The following COL4A5 variants were observed in gnomAD, a reference collection of about 807,000 sequenced individuals.
The protein encoded by COL4A5 is collagen alpha-5(IV) chain.
A neutral mutation model predicts 130.2 loss-of-function variants in COL4A5; 26 were observed. That is an observed-to-expected ratio of 0.20 (90% confidence interval 0.15 to 0.28). The LOEUF is 0.28. COL4A5 is among the 10% of genes least tolerant of loss of function. COL4A5 has a pLI of 1.00. For synonymous variants in COL4A5, 496 were observed against 439.6 expected, an observed-to-expected ratio of 1.13 and a Z score of -1.60; for missense variants, 1,131 against 1,344.3, an observed-to-expected ratio of 0.84 and a Z score of 2.48.
chrX:108,508,064 AG>A (rs1361567011), intron 1 of COL4A5, among the ~76,000 whole-genome samples: 2 of 111,376 alleles, frequency 1.8e-5, no homozygotes, highest in African/African-American at 3.3e-5. Context: ...AAAGAAATAA[AG>A]GGCATCCAAA....
intron 37 of COL4A5, among the ~76,000 whole-genome samples, chrX:108,664,547 A>G (rs2068036151): frequency 8.9e-6 from 1 of 112,321 alleles, no homozygotes; most frequent in Non-Finnish European, 1.9e-5. Context: ...TAACTGTAAA[A>G]GAAAAAAATT....
intron 2 of COL4A5, among the ~76,000 whole-genome samples, chrX:108,551,665 A>G (rs947952751): frequency 8.9e-6 from 1 of 111,913 alleles, no homozygotes; most frequent in Admixed American, 9.5e-5. Flanking sequence ...GATTTTTTAA[A>G]GAACTTAAAA....
At chrX:108,474,954 A>T (rs922701069) in intron 1 of COL4A5, among the ~76,000 whole-genome samples, 6 of 111,259 alleles carry the variant, frequency 5.4e-5, no homozygotes, top group Non-Finnish European at 1.1e-4. Flanking sequence ...CCATTGGTTG[A>T]TATGTCTGTT....
At chrX:108,677,759 G>A in intron 44 of COL4A5, 126 bp downstream of exon 44, 4 of 842,786 alleles carry the variant, frequency 4.7e-6, no homozygotes, top group South Asian at 2.3e-5. Context: ...GCTCACTGGC[G>A]AATTAAAAAG....
intron 2 of COL4A5, among the ~76,000 whole-genome samples, chrX:108,549,932 C>G (rs1220906966): frequency 1.8e-5 from 2 of 111,084 alleles, no homozygotes; most frequent in Admixed American, 1.9e-4. Context: ...GGACAAATTC[C>G]TTAAGAAACA....
chrX:108,539,909 A>G, intron 2 of COL4A5, 104 bp downstream of exon 2: 20 of 625,634 alleles, frequency 3.2e-5, no homozygotes, highest in Non-Finnish European at 5.0e-5. Flanking sequence ...TACTTAAGTA[A>G]GTGAAATGAA....
intron 36 of COL4A5, among the ~76,000 whole-genome samples, chrX:108,649,132 C>T (rs1456025083): frequency 9.0e-6 from 1 of 110,869 alleles, no homozygotes; most frequent in Non-Finnish European, 1.9e-5. Flanking sequence ...GAACTCAACC[C>T]CTTTTACAAT....
intron 1 of COL4A5, among the ~76,000 whole-genome samples, chrX:108,532,985 A>G (rs1345100430): frequency 8.9e-6 from 1 of 111,847 alleles, no homozygotes; most frequent in Non-Finnish European, 1.9e-5. Context: ...TACATTCAAC[A>G]TAATCGCTAT....
At chrX:108,609,735 A>G (rs941134213) in intron 29 of COL4A5, among the ~76,000 whole-genome samples, 1 of 111,548 alleles carries the variant, frequency 9.0e-6, no homozygotes, top group African/African-American at 3.2e-5. Context: ...ACTATTACAC[A>G]TGTCAAATAA....
intron 17 of COL4A5, among the ~76,000 whole-genome samples, chrX:108,584,140 T>C (rs755900363): frequency 9.2e-6 from 1 of 109,074 alleles, no homozygotes; most frequent in South Asian, 4.0e-4. Context: ...TTTTCTATTA[T>C]CTTCTTTATA....
intron 2 of COL4A5, among the ~76,000 whole-genome samples, chrX:108,546,579 T>C (rs2065659671): frequency 9.0e-6 from 1 of 111,114 alleles, no homozygotes; most frequent in Non-Finnish European, 1.9e-5. Context: ...ATCTGACAAT[T>C]ATGTGTCTTG....
chrX:108,673,756 A>AATG (rs1015791730), intron 42 of COL4A5, among the ~76,000 whole-genome samples: 7 of 108,265 alleles, frequency 6.5e-5, no homozygotes, highest in African/African-American at 1.7e-4. Flanking sequence ...TAATAATAAT[A>AATG]ATAGGCCAGG....
intron 19 of COL4A5, 65 bp downstream of exon 19, chrX:108,586,812 A>G: frequency 8.1e-6 from 9 of 1,109,198 alleles, no homozygotes; most frequent in Non-Finnish European, 1.0e-5. Flanking sequence ...TATACTTTTT[A>G]TCACATTAGT....
intron 1 of COL4A5, among the ~76,000 whole-genome samples, chrX:108,531,511 A>G (rs2065385857): frequency 9.1e-6 from 1 of 110,486 alleles, no homozygotes; most frequent in African/African-American, 3.3e-5. Flanking sequence ...GTAGAAAAAT[A>G]AAAATTTAAC....
chrX:108,668,396 C>T lies in COL4A5; in HGVS notation c.3682C>T (p.His1228Tyr). The change falls in exon 41 of 53, where the codon CAC (histidine) becomes TAC (tyrosine). Residue 1228 changes from histidine to tyrosine, a missense_variant. Transcript: ENST00000328300. ...AGGTCCAAAGGGCGAACCAGGCTTT[C>T]ACGGTTTCCCTGGTGTGCAGGGTCC... ...LPGPKGEPGF[H>Y]GFPGVQGPPG... is the part of the protein sequence containing the mutation. The T allele has an allele frequency of 8.3e-7, 1 of 1,211,095 alleles. No individual in the cohort carries two copies. The highest frequency in any genetic ancestry group is 1.7e-5 in the African/African-American group (1 of 57,824).
At chrX:108,634,679 T>C (rs943115704) in intron 36 of COL4A5, among the ~76,000 whole-genome samples, 1 of 111,980 alleles carries the variant, frequency 8.9e-6, no homozygotes, top group African/African-American at 3.2e-5. Flanking sequence ...TTCTAATGTT[T>C]AAATTAGCAT....
At chrX:108,626,742 A>C (rs1205562224) in intron 36 of COL4A5, 12 of 865,265 alleles carry the variant, frequency 1.4e-5, no homozygotes, top group Non-Finnish European at 1.6e-5. Context: ...CTAATGTAGT[A>C]GTATTCTTAA....
At chrX:108,607,597 C>T (rs1474638248) in intron 29 of COL4A5, among the ~76,000 whole-genome samples, 16 of 104,689 alleles carry the variant, frequency 1.5e-4, no homozygotes, top group Non-Finnish European at 2.9e-4. Flanking sequence ...AACTCTCCTG[C>T]CTCAGCCTCC....
chrX:108,548,348 GGA>G (rs1235546038), intron 2 of COL4A5, among the ~76,000 whole-genome samples: 2 of 111,771 alleles, frequency 1.8e-5, no homozygotes, highest in Admixed American at 1.9e-4. Flanking sequence ...ACAATAGAAT[GGA>G]GATGTCAGAA....
Sources: allele counts gnomAD v4.1 joint callset (sites outside exome capture counted in the v4.1 genomes callset), GRCh38; gene constraint gnomAD v4.1.1; transcripts MANE v1.5; gene names NCBI Gene and HGNC (gene_info 2026-07-23, HGNC 2026-07-21).